Variants in SPECC1 observed in about 807,000 individuals in gnomAD.
The protein encoded by SPECC1 is cytospin-B.
Under a neutral mutation model 104.1 loss-of-function variants are expected in SPECC1, and 62 were observed. The ratio of observed to expected loss-of-function variants is 0.60; its 90% CI spans 0.49 to 0.74. The LOEUF (loss-of-function observed/expected upper bound fraction) is 0.74, where lower values mean the gene tolerates loss of function less well. SPECC1 is among the 30% of genes least tolerant of loss of function. SPECC1 has a pLI of 0.00. For missense variants in SPECC1, 1,306 were observed against 1,310.5 expected (o/e 1.00, Z 0.05); for synonymous variants, 513 against 501.6 (o/e 1.02, Z -0.30).
In SPECC1 at chr17:20,297,048, C is replaced by T. The variant is rs1420300817; in HGVS notation, c.3028C>T (p.Pro1010Ser). 14 of 1,614,044 alleles carry T rather than the reference C, an allele frequency of 8.7e-6. No homozygotes were observed. Among genetic ancestry groups the T allele is most frequent in the Admixed American group, 5.0e-5 (3 of 59,996 alleles). The change falls in exon 13 of 15, where the codon CCC (proline) becomes TCC (serine). Residue 1010 changes from proline to serine, a missense_variant. This residue lies in a region of SPECC1 where 129 missense variants were observed against 170.6 expected (regional missense o/e 0.76). Coordinates refer to ENST00000395527, the MANE Select transcript of SPECC1 (RefSeq NM_001243439.2). ...CCACACCTACCTGCCTGCCCACATCCCCTACCAGGAGCTGAATAGTCAGGA... is the reference window on the plus strand; with the variant it reads ...CCACACCTACCTGCCTGCCCACATCTCCTACCAGGAGCTGAATAGTCAGGA... ...LLHTYLPAHIPYQELNSQEKK... is the reference protein window; with the variant it reads ...LLHTYLPAHISYQELNSQEKK...
At chr17:20,251,470 C>G (rs930495073) in intron 9 of SPECC1, among the ~76,000 whole-genome samples, 1 of 152,064 alleles carries the variant, frequency 6.6e-6, no homozygotes, top group Admixed American at 6.6e-5. Context: ...CACTTTTGTT[C>G]AGCCAACTTC....
intron 3 of SPECC1, among the ~76,000 whole-genome samples, chr17:20,140,543 T>C (rs866291639): frequency 2.0e-5 from 3 of 152,224 alleles, no homozygotes; most frequent in Non-Finnish European, 4.4e-5. Context: ...TACAAAGTTA[T>C]GGAAATAAAT....
At chr17:20,107,144 C>CA (rs531912350) in intron 2 of SPECC1, among the ~76,000 whole-genome samples, 1,803 of 68,076 alleles carry the variant, frequency 0.026, 240 homozygotes, top group East Asian at 0.089. Flanking sequence ...ACTCGTGTCT[C>CA]AAAAAAAAAA....
At chr17:20,248,689 T>G (rs568684976) in intron 9 of SPECC1, among the ~76,000 whole-genome samples, 1 of 152,362 alleles carries the variant, frequency 6.6e-6, no homozygotes, top group East Asian at 1.9e-4. Context: ...TTACATACTT[T>G]GCCTGCTTTT....
At chr17:20,181,572 C>T (rs1283809449) in intron 3 of SPECC1, among the ~76,000 whole-genome samples, 1 of 151,968 alleles carries the variant, frequency 6.6e-6, no homozygotes, top group Non-Finnish European at 1.5e-5. Flanking sequence ...AGTATTATTG[C>T]TAGTATTTAA....
chr17:20,164,898 G>A (rs2033511051), intron 3 of SPECC1, among the ~76,000 whole-genome samples: 2 of 152,136 alleles, frequency 1.3e-5, no homozygotes, highest in South Asian at 4.1e-4. Flanking sequence ...CACTTCTTTA[G>A]CACTTAAAAT....
chr17:20,021,227 C>T (rs1392419045), intron 1 of SPECC1, among the ~76,000 whole-genome samples: 1 of 151,944 alleles, frequency 6.6e-6, no homozygotes, highest in African/African-American at 2.4e-5. Context: ...GGAAGAAAAT[C>T]CACATGTAAG....
At chr17:20,155,635 AT>A (rs2032397202) in intron 3 of SPECC1, 2 of 153,352 alleles carry the variant, frequency 1.3e-5, no homozygotes, top group African/African-American at 4.8e-5. Context: ...AGAAATGCTT[AT>A]TAAGCGCCTG....
chr17:20,214,675 C>T (rs1260894986), intron 4 of SPECC1, among the ~76,000 whole-genome samples: 2 of 152,166 alleles, frequency 1.3e-5, no homozygotes, highest in Non-Finnish European at 2.9e-5. Context: ...GCCCAGCTAA[C>T]TTTCCTATTT....
rs762835867 is a variant in SPECC1 at position 20,257,539 on chromosome 17, T to G, written c.2769T>G (p.Ser923=). 6.2e-7 allele frequency: 1 copy of G among 1,613,690 alleles called. No individual in the cohort carries two copies. Among genetic ancestry groups the G allele is most frequent in the Non-Finnish European group, 8.5e-7 (1 of 1,179,922 alleles). The part of the protein sequence containing the change: ...PSLESLSRPP[S]LGFGDTRLLS... ...TAGAGTCACTGAGCAGACCCCCGTC[T>G]CTGGGCTTTGGGGACACAAGACTGC... Residue 923 remains serine, a synonymous_variant, in exon 11 of 15, where the codon TCT becomes TCG. Transcript: ENST00000395527.
chr17:20,192,995 A>C (rs1597931646), intron 3 of SPECC1, among the ~76,000 whole-genome samples: 1 of 152,292 alleles, frequency 6.6e-6, no homozygotes, highest in Middle Eastern at 3.4e-3. Flanking sequence ...TAAAGGAATA[A>C]AAGAATGGCT....
chr17:20,194,260 T>G (rs1455599655), intron 3 of SPECC1, among the ~76,000 whole-genome samples: 1 of 152,088 alleles, frequency 6.6e-6, no homozygotes, highest in Non-Finnish European at 1.5e-5. Flanking sequence ...ATTCCTTTCT[T>G]TTTGAGGTCC....
At chr17:20,046,591 A>G (rs2045547754) in intron 1 of SPECC1, among the ~76,000 whole-genome samples, 1 of 152,228 alleles carries the variant, frequency 6.6e-6, no homozygotes, top group South Asian at 2.1e-4. Context: ...AACAAGTGCT[A>G]AATTGTAAGA....
rs114545233 is a variant in SPECC1 at position 20,223,711 on chromosome 17, A to G, written c.1864-3702A>G. ...AATTATTTCAATCTCTTTATTAAAT[A>G]TATCGAAAGGATTCTAAATTCTTTC... On this transcript the variant is annotated intron_variant, in intron 4 of 14. Coordinates refer to ENST00000395527, the MANE Select transcript of SPECC1 (RefSeq NM_001243439.2). Among the ~76,000 whole-genome samples, 326 of 152,302 alleles carry G rather than the reference A, an allele frequency of 2.1e-3. 1 individual carries two copies. Among genetic ancestry groups the G allele is most frequent in the African/African-American group, 6.4e-3 (265 of 41,556 alleles).
At chr17:20,201,154 A>G (rs1370753462) in intron 3 of SPECC1, among the ~76,000 whole-genome samples, 6 of 152,062 alleles carry the variant, frequency 3.9e-5, no homozygotes, top group South Asian at 2.1e-4. Flanking sequence ...CCAACAAACA[A>G]TTGAAGGTTT....
intron 13 of SPECC1, among the ~76,000 whole-genome samples, chr17:20,300,970 A>G (rs2041556760): frequency 6.6e-6 from 1 of 152,100 alleles, no homozygotes; most frequent in Non-Finnish European, 1.5e-5. Flanking sequence ...TTATTTGCTA[A>G]TTACAGCCCG....
intron 3 of SPECC1, among the ~76,000 whole-genome samples, chr17:20,168,068 A>G (rs73301548): frequency 0.25 from 37,840 of 152,124 alleles, 5,910 homozygotes; most frequent in African/African-American, 0.45. Flanking sequence ...AAAATATTCC[A>G]AAGTACAGAA....
intron 3 of SPECC1, among the ~76,000 whole-genome samples, chr17:20,185,952 CT>C (rs1430555415): frequency 2.0e-5 from 3 of 152,166 alleles, no homozygotes; most frequent in African/African-American, 7.2e-5. Flanking sequence ...ATTCTTCTGC[CT>C]CAGCCTCCTG....
intron 3 of SPECC1, chr17:20,156,321 G>A (rs1265215363): frequency 7.8e-6 from 10 of 1,287,440 alleles, no homozygotes; most frequent in Non-Finnish European, 9.9e-6. Flanking sequence ...CCGGCTCGCG[G>A]CGCCGACTGG....
Sources: gnomAD v4.1 joint callset for allele counts (sites outside exome capture counted in the v4.1 genomes callset) on GRCh38, gnomAD v4.1.1 for gene constraint, gnomAD v4.1.1 regional missense constraint, MANE v1.5 for transcripts, NCBI Gene and HGNC (gene_info 2026-07-23, HGNC 2026-07-21) for gene names.